ZMYND11: variants seen among roughly 807,000 people sequenced by gnomAD.
ZMYND11 encodes zinc finger MYND-type containing 11.
A neutral mutation model predicts 84.9 loss-of-function variants in ZMYND11; 9 were observed. The ratio of observed to expected loss-of-function variants is 0.11; its 90% CI spans 0.06 to 0.18. ZMYND11 has a LOEUF of 0.18. Ranked by LOEUF, ZMYND11 falls within the 10% of genes least tolerant of loss-of-function variation. The probability of loss-of-function intolerance (pLI) is 1.00; values close to 1 mark genes in which losing one functional copy is unlikely to be tolerated. For missense variants in ZMYND11, 409 were observed against 761.0 expected (o/e 0.54, Z 5.44); for synonymous variants, 250 against 244.1 (o/e 1.02, Z -0.23).
chr10:142,919 A>G lies in ZMYND11; in HGVS notation c.-20+7360A>G, dbSNP rs181316189. Among the ~76,000 whole-genome samples the G allele has an allele frequency of 3.0e-3, 458 of 152,356 alleles. No individual in the cohort carries two copies. In the Middle Eastern group the frequency reaches 0.031, roughly 10 times the overall value. ...GTCACTATGGTAGCTCACATTAGGA[A>G]GATAACTTGGTTCAGGGGCAGGAGC... On this transcript the variant is annotated intron_variant, in intron 1 of 14. Coordinates refer to ENST00000381604, the MANE Select transcript of ZMYND11 (RefSeq NM_001370100.5).
At chr10:190,433 G>A (rs894997030) in intron 2 of ZMYND11, among the ~76,000 whole-genome samples, 5 of 152,104 alleles carry the variant, frequency 3.3e-5, no homozygotes, top group African/African-American at 4.8e-5. Context: ...CTGGGCTCTC[G>A]CAGGCCCTCA....
intron 4 of ZMYND11, among the ~76,000 whole-genome samples, chr10:233,368 CCT>C (rs754947987): frequency 1.3e-5 from 2 of 152,202 alleles, no homozygotes; most frequent in Non-Finnish European, 2.9e-5. Context: ...ACTCCCACGC[CCT>C]CTCCCCAGAC....
At chr10:251,227 T>C (rs1345246520) in intron 14 of ZMYND11, among the ~76,000 whole-genome samples, 1 of 152,100 alleles carries the variant, frequency 6.6e-6, no homozygotes, top group Non-Finnish European at 1.5e-5. Flanking sequence ...GAAGGGATGG[T>C]GGTGCTGTGT....
intron 8 of ZMYND11, among the ~76,000 whole-genome samples, chr10:240,660 C>A (rs1463407964): frequency 1.3e-5 from 2 of 152,200 alleles, no homozygotes; most frequent in African/African-American, 4.8e-5. Flanking sequence ...GTCAGACCAG[C>A]CTCAGCTTCT....
chr10:240,179 C>G lies in ZMYND11; in HGVS notation c.753+68C>G, dbSNP rs549358164. On this transcript the variant is annotated intron_variant, in intron 8 of 14. Transcript: ENST00000381604. ...AATTAATTTATTTCAGGATTCCACT[C>G]TTATCTACATTTTAGTTGTGCCATT... The G allele has an allele frequency of 4.4e-5, 58 of 1,307,756 alleles. No homozygotes were observed. In the Admixed American group the frequency reaches 8.2e-4, roughly 18 times the overall value. The allele number at this position is 1,307,756 out of a possible 1,614,324, so 81.0% of individuals were successfully genotyped here.
Position 140,593 on chromosome 10 carries a change from A to T in ZMYND11, c.-20+5034A>T, listed in dbSNP as rs782267035. On this transcript the variant is annotated intron_variant, in intron 1 of 14. Transcript: ENST00000381604. ...TCAATTCAAAAAATAACCTAATTAG[A>T]TATTTAATCTTTCATTGCATATATA... 2.0e-5 allele frequency among the ~76,000 whole-genome samples: 3 copies of T among 152,356 alleles called. No homozygotes were observed. The South Asian group carries it at 6.2e-4, about 32-fold the overall frequency.
In ZMYND11 at chr10:238,419, T is replaced by C. The variant is rs562231802; in HGVS notation, c.609+742T>C. Among the ~76,000 whole-genome samples, 31 of 152,158 alleles carry C rather than the reference T, an allele frequency of 2.0e-4. No individual in the cohort carries two copies. In the South Asian group the frequency reaches 3.3e-3, roughly 16 times the overall value. Reference sequence around the variant, plus strand: ...TCGCCCAGGCTGGAGTGCAGTGGTGTGATCTTGGCTCACTGCAAGCTCTGC... The same window carrying C: ...TCGCCCAGGCTGGAGTGCAGTGGTGCGATCTTGGCTCACTGCAAGCTCTGC... On this transcript the variant is annotated intron_variant, in intron 6 of 14. Coordinates refer to ENST00000381604, the MANE Select transcript of ZMYND11 (RefSeq NM_001370100.5).
At chr10:247,316 C>T in intron 11 of ZMYND11, 82 bp from the exon 12 acceptor site, 1 of 1,456,658 alleles carries the variant, frequency 6.9e-7, no homozygotes, top group Non-Finnish European at 9.6e-7. Context: ...CACTTCTCAC[C>T]TGTGGGTCCA....
chr10:251,964 G>A (rs1038198565), intron 14 of ZMYND11, among the ~76,000 whole-genome samples: 1 of 152,174 alleles, frequency 6.6e-6, no homozygotes, highest in Non-Finnish European at 1.5e-5. Flanking sequence ...TGTTAACGAC[G>A]AGAGAAGAAT....
chr10:158,977 GTTTT>G (rs1378319956), intron 1 of ZMYND11, among the ~76,000 whole-genome samples: 1 of 117,660 alleles, frequency 8.5e-6, no homozygotes, highest in Non-Finnish European at 1.7e-5. Flanking sequence ...GATTTGCAGG[GTTTT>G]TTGTTTTTTG....
intron 2 of ZMYND11, among the ~76,000 whole-genome samples, chr10:190,342 A>G (rs7075352): frequency 6.6e-6 from 1 of 152,078 alleles, no homozygotes; most frequent in East Asian, 1.9e-4. Context: ...TGAAGTCCAC[A>G]TTCCCATGCA....
chr10:247,262 T>C lies in ZMYND11; in HGVS notation c.1159-136T>C. 2.9e-6 allele frequency: 3 copies of C among 1,030,598 alleles called. No individual in the cohort carries two copies. The East Asian group carries it at 7.8e-5, about 27-fold the overall frequency. The allele number at this position is 1,030,598 out of a possible 1,614,324, so 63.8% of individuals were successfully genotyped here. Reference sequence around the variant, plus strand: ...TTACCAGAACAGTAAATTAAGTCAGTGGTAACTGAGTGGATGGAAGGATGC... The same window carrying C: ...TTACCAGAACAGTAAATTAAGTCAGCGGTAACTGAGTGGATGGAAGGATGC... On this transcript the variant is annotated intron_variant, in intron 11 of 14. Transcript: ENST00000381604.
intron 2 of ZMYND11, among the ~76,000 whole-genome samples, chr10:207,209 G>A (rs1481302631): frequency 2.6e-5 from 4 of 152,170 alleles, no homozygotes; most frequent in African/African-American, 7.2e-5. Context: ...TGGTGTATAT[G>A]TGCCACATTT....
intron 4 of ZMYND11, among the ~76,000 whole-genome samples, chr10:225,932 T>C (rs1389572516): frequency 6.6e-6 from 1 of 152,196 alleles, no homozygotes; most frequent in East Asian, 1.9e-4. Flanking sequence ...GGAAAGGGTC[T>C]CTGTGCTGTG....
At chr10:210,164 G>T (rs1048114942) in intron 3 of ZMYND11, 116 bp downstream of exon 3, 4 of 1,160,444 alleles carry the variant, frequency 3.4e-6, no homozygotes, top group Non-Finnish European at 4.9e-6. Context: ...TTTAACATTT[G>T]TATCAACATT....
chr10:207,287 C>T (rs1275802970), intron 2 of ZMYND11, among the ~76,000 whole-genome samples: 9 of 152,228 alleles, frequency 5.9e-5, no homozygotes, highest in East Asian at 1.9e-4. Flanking sequence ...TGAATAGTGC[C>T]GCAGTAAACA....
intron 2 of ZMYND11, among the ~76,000 whole-genome samples, chr10:202,638 G>GA (rs1370331102): frequency 6.6e-6 from 1 of 152,100 alleles, no homozygotes; most frequent in Non-Finnish European, 1.5e-5. Context: ...TGCTAGTTGC[G>GA]ACTCATCCTT....
chr10:241,938 T>C (rs1173693475), intron 9 of ZMYND11, 83 bp from the exon 10 acceptor site: 13 of 1,482,696 alleles, frequency 8.8e-6, no homozygotes, highest in Non-Finnish European at 1.2e-5. Flanking sequence ...TAATGGATTA[T>C]ATGTGACTAG....
chr10:231,039 A>C (rs1948940059), intron 4 of ZMYND11, among the ~76,000 whole-genome samples: 1 of 152,254 alleles, frequency 6.6e-6, no homozygotes, highest in East Asian at 1.9e-4. Context: ...ATACTTTGTG[A>C]CATGAAAATT....
Sources: allele counts gnomAD v4.1 joint callset (sites outside exome capture counted in the v4.1 genomes callset), GRCh38; gene constraint gnomAD v4.1.1; transcripts MANE v1.5; gene names NCBI Gene and HGNC (gene_info 2026-07-23, HGNC 2026-07-21).